PRUNE2: variants seen among roughly 807,000 people sequenced by gnomAD.
PRUNE2 encodes prune homolog 2 with BCH domain, also known as protein prune homolog 2.
A neutral mutation model predicts 252.0 loss-of-function variants in PRUNE2; 164 were observed. The observed-to-expected ratio is 0.65, with a 90% CI of 0.57 to 0.74. The LOEUF (loss-of-function observed/expected upper bound fraction) is 0.74. PRUNE2 is among the 30% of genes least tolerant of loss of function. The pLI, the probability that PRUNE2 is intolerant of heterozygous loss-of-function variation, is 0.00. For missense variants in PRUNE2, 3,495 were observed against 3,711.0 expected (o/e 0.94, Z 1.51); for synonymous variants, 1,292 against 1,350.2 (o/e 0.96, Z 0.94).
intron 6 of PRUNE2, chr9:76,785,472 T>C (rs2054880207): frequency 6.6e-6 from 1 of 152,022 alleles, no homozygotes; most frequent in Non-Finnish European, 1.5e-5. Flanking sequence ...TATACTTCAT[T>C]TCTCTATCTC....
Position 76,774,469 on chromosome 9 carries a change from T to TATTTATTTATTTATTTA in PRUNE2, c.756+49162_756+49163insTAAATAAATAAATAAAT, listed in dbSNP as rs1172601108. Among the ~76,000 whole-genome samples the TATTTATTTATTTATTTA allele has an allele frequency of 2.2e-3, 315 of 140,166 alleles. 6 individuals are homozygous for TATTTATTTATTTATTTA. The highest frequency in any genetic ancestry group is 4.4e-3 in the South Asian group (19 of 4,318). The allele number at this position is 140,166 out of a possible 152,430, so 92.0% of individuals were successfully genotyped here. On this transcript the variant is annotated intron_variant, in intron 6 of 18. Coordinates refer to ENST00000376718, the MANE Select transcript of PRUNE2 (RefSeq NM_015225.3). ...TCAACCCTTTTTTTTTTTTTTTTTTTTTTTTTTTGAGATGGAGTCTCACTT... is the reference window on the plus strand; with the variant it reads ...TCAACCCTTTTTTTTTTTTTTTTTTTATTTATTTATTTATTTATTTTTTTTGAGATGGAGTCTCACTT...
intron 9 of PRUNE2, among the ~76,000 whole-genome samples, chr9:76,677,583 T>G (rs560634430): frequency 1.3e-5 from 2 of 152,348 alleles, no homozygotes; most frequent in South Asian, 4.1e-4. Context: ...ACAGAAGATA[T>G]GTGCACCAGT....
At chr9:76,867,242 A>T (rs570361037) in intron 1 of PRUNE2, among the ~76,000 whole-genome samples, 12 of 115,674 alleles carry the variant, frequency 1.0e-4, no homozygotes, top group African/African-American at 4.0e-4. Flanking sequence ...CATGCTGTTC[A>T]TGGCTTTCTT....
At chr9:76,867,704 G>T (rs1346508086) in intron 1 of PRUNE2, among the ~76,000 whole-genome samples, 2 of 152,124 alleles carry the variant, frequency 1.3e-5, no homozygotes, top group Non-Finnish European at 2.9e-5. Flanking sequence ...GAGTAGCTGG[G>T]ATTACAGGCG....
In PRUNE2 at chr9:76,706,156, G is replaced by C; in HGVS notation, c.6118C>G (p.Pro2040Ala). ...AAGGTACCTCGGGAGTCCTCACTTG[G>C]GGTAGAGCCATCCCATTCAGAGCCT... ...KPGSEWDGST[P>A]SEDSRGTFVP... Residue 2040 changes from proline to alanine, a missense_variant, in exon 8 of 19, where the codon CCA becomes GCA. Physicochemically the swap from Pro to Ala is conservative, Grantham distance 27 (BLOSUM62 -1). Transcript: ENST00000376718. 2 of 1,613,962 alleles carry C rather than the reference G, an allele frequency of 1.2e-6. No individual in the cohort carries two copies. Among genetic ancestry groups the C allele is most frequent in the South Asian group, 1.1e-5 (1 of 91,082 alleles).
Position 76,721,018 on chromosome 9 carries a change from C to T in PRUNE2, c.757-7297G>A, listed in dbSNP as rs966192661. On this transcript the variant is annotated intron_variant, in intron 6 of 18. Transcript: ENST00000376718. The stretch of plus-strand genomic sequence containing the variant: ...CGGAGAGGCTGAGGCAGGAGAAGGG[C>T]ATAAACCCAGGAGGCGGAGCTTGCA... Among the ~76,000 whole-genome samples, 3 of 152,128 alleles carry T rather than the reference C, an allele frequency of 2.0e-5. No individual in the cohort carries two copies. In the East Asian group the frequency reaches 5.8e-4, roughly 29 times the overall value.
intron 11 of PRUNE2, among the ~76,000 whole-genome samples, chr9:76,647,050 A>G (rs1262408752): frequency 6.6e-6 from 1 of 152,066 alleles, no homozygotes; most frequent in Non-Finnish European, 1.5e-5. Flanking sequence ...TTAGCTGGAT[A>G]TGTTGGCATG....
intron 6 of PRUNE2, among the ~76,000 whole-genome samples, chr9:76,727,187 A>C (rs2048173353): frequency 6.6e-6 from 1 of 152,176 alleles, no homozygotes; most frequent in South Asian, 2.1e-4. Flanking sequence ...TGACAACTAA[A>C]TATGTCCCCT....
At chr9:76,870,717 G>A (rs928604795) in intron 1 of PRUNE2, among the ~76,000 whole-genome samples, 12 of 151,492 alleles carry the variant, frequency 7.9e-5, no homozygotes, top group African/African-American at 2.9e-4. Context: ...TCAATGGGTT[G>A]GTTTCCAGAT....
chr9:76,741,536 AAAG>A (rs1384717706), intron 6 of PRUNE2, among the ~76,000 whole-genome samples: 5 of 152,232 alleles, frequency 3.3e-5, no homozygotes, highest in Admixed American at 3.3e-4. Flanking sequence ...ATACAAACAA[AAAG>A]AAGAAGCAGA....
At position 76,837,270 on chromosome 9, in the gene PRUNE2, C is replaced by T. The variant is rs547792746; in HGVS notation, c.508+9245G>A. Among the ~76,000 whole-genome samples, 54 of 151,990 alleles carry T rather than the reference C, an allele frequency of 3.6e-4. 1 individual carries two copies. The East Asian group carries it at 6.4e-3, about 18-fold the overall frequency. On this transcript the variant is annotated intron_variant, in intron 4 of 18. Coordinates refer to ENST00000376718, the MANE Select transcript of PRUNE2 (RefSeq NM_015225.3). Reference sequence around the variant, plus strand: ...CATCCTGGCCAACATGGTGAAACCCCGTCTCTACTAAAAATACAAAAATTA... The same window carrying T: ...CATCCTGGCCAACATGGTGAAACCCTGTCTCTACTAAAAATACAAAAATTA...
chr9:76,798,486 G>A (rs1406884634), intron 6 of PRUNE2, among the ~76,000 whole-genome samples: 2 of 152,114 alleles, frequency 1.3e-5, no homozygotes, highest in South Asian at 2.1e-4. Flanking sequence ...TTAAGGCTCA[G>A]TACTCTCCCA....
intron 1 of PRUNE2, among the ~76,000 whole-genome samples, chr9:76,887,183 CA>C: frequency 6.6e-6 from 1 of 152,096 alleles, no homozygotes; most frequent in East Asian, 1.9e-4. Flanking sequence ...CTAGCTTCCC[CA>C]AACTCCTAAC....
intron 1 of PRUNE2, among the ~76,000 whole-genome samples, chr9:76,867,562 C>T (rs2060919837): frequency 6.6e-6 from 1 of 151,968 alleles, no homozygotes; most frequent in Admixed American, 6.6e-5. Flanking sequence ...TGCAGTTTTG[C>T]TCTTTTGTTG....
chr9:76,847,826 T>C, intron 3 of PRUNE2, among the ~76,000 whole-genome samples: 1 of 152,236 alleles, frequency 6.6e-6, no homozygotes, highest in East Asian at 1.9e-4. Context: ...GAGTTCACAA[T>C]CCCAGCCTCA....
chr9:76,904,573 C>G (rs2063370226), intron 1 of PRUNE2, among the ~76,000 whole-genome samples: 1 of 152,124 alleles, frequency 6.6e-6, no homozygotes, highest in African/African-American at 2.4e-5. Context: ...AGAACATGTA[C>G]TTATACTATC....
At chr9:76,699,241 A>C (rs1285134370) in intron 9 of PRUNE2, among the ~76,000 whole-genome samples, 1 of 152,136 alleles carries the variant, frequency 6.6e-6, no homozygotes, top group African/African-American at 2.4e-5. Flanking sequence ...GTGACTTTTA[A>C]AATTTTAATG....
At position 76,638,223 on chromosome 9, in the gene PRUNE2, G is replaced by A. The variant is rs369625972; in HGVS notation, c.8794C>T (p.Arg2932Trp). 1.7e-5 allele frequency: 27 copies of A among 1,613,544 alleles called. No individual in the cohort carries two copies. Among genetic ancestry groups the A allele is most frequent in the Non-Finnish European group, 2.2e-5 (26 of 1,179,720 alleles). Reference protein sequence around the residue: ...FAACFLPDSSRADYHYVMENL... With the variant: ...FAACFLPDSSWADYHYVMENL... ...TCCATGACATAGTGGTAATCCGCCCGACTGCTGTCTGGCAGAAAACAGGCG... is the reference window on the plus strand; with the variant it reads ...TCCATGACATAGTGGTAATCCGCCCAACTGCTGTCTGGCAGAAAACAGGCG... The change falls in exon 13 of 19, where the codon CGG (arginine) becomes TGG (tryptophan). Residue 2932 changes from arginine (R) to tryptophan (W), a missense_variant. Physicochemically the swap from Arg to Trp is moderately radical, Grantham distance 101 (BLOSUM62 -3). Coordinates refer to ENST00000376718, the MANE Select transcript of PRUNE2 (RefSeq NM_015225.3).
intron 1 of PRUNE2, among the ~76,000 whole-genome samples, chr9:76,903,639 G>A (rs2063311311): frequency 6.6e-6 from 1 of 151,902 alleles, no homozygotes; most frequent in Non-Finnish European, 1.5e-5. Flanking sequence ...CCAGGCTGGA[G>A]TGCAGTGGCA....
Sources: gnomAD v4.1 joint callset for allele counts (sites outside exome capture counted in the v4.1 genomes callset) on GRCh38, gnomAD v4.1.1 for gene constraint, MANE v1.5 for transcripts, NCBI Gene and HGNC (gene_info 2026-07-23, HGNC 2026-07-21) for gene names.